Variants in STAG2 observed in about 807,000 individuals in gnomAD.
The protein encoded by STAG2 is cohesin subunit SA-2.
STAG2 carries 14 observed loss-of-function variants against 108.1 expected under a neutral mutation model. That is an observed-to-expected ratio of 0.13 (90% CI 0.09 to 0.20). The LOEUF is 0.20. STAG2 is among the 10% of genes least tolerant of loss of function. The pLI is 1.00. For missense variants in STAG2, 440 were observed against 940.9 expected (o/e 0.47, Z 6.96); for synonymous variants, 307 against 302.7 (o/e 1.01, Z -0.15).
chrX:124,009,579 A>C (rs1462163374), intron 1 of STAG2, among the ~76,000 whole-genome samples: 1 of 110,975 alleles, frequency 9.0e-6, no homozygotes, highest in African/African-American at 3.3e-5. Flanking sequence ...GTATCATCAC[A>C]TGAGGCCATT....
chrX:124,041,196 T>C (rs1337503919), intron 6 of STAG2, among the ~76,000 whole-genome samples: 1 of 106,955 alleles, frequency 9.3e-6, no homozygotes. Context: ...TCTCCTGAGT[T>C]CATCAACTTT....
chrX:123,963,956 GATA>G (rs1321329938), intron 1 of STAG2, among the ~76,000 whole-genome samples: 1 of 111,587 alleles, frequency 9.0e-6, no homozygotes, highest in African/African-American at 3.3e-5. Flanking sequence ...TCTTTTTGAA[GATA>G]ATAATGAGAG....
intron 1 of STAG2, among the ~76,000 whole-genome samples, chrX:123,983,729 TCTC>T: frequency 9.1e-6 from 1 of 110,122 alleles, no homozygotes; most frequent in East Asian, 2.8e-4. Context: ...TCCGCAGTAT[TCTC>T]CTTTTGGGGA....
At chrX:124,004,359 C>G (rs942079373) in intron 1 of STAG2, among the ~76,000 whole-genome samples, 3 of 112,008 alleles carry the variant, frequency 2.7e-5, no homozygotes, top group African/African-American at 9.7e-5. Flanking sequence ...CCCATTTTCC[C>G]TAGCCCAAGA....
intron 1 of STAG2, among the ~76,000 whole-genome samples, chrX:123,977,226 A>C (rs1002632950): frequency 1.8e-5 from 2 of 112,354 alleles, no homozygotes; most frequent in African/African-American, 6.5e-5. Flanking sequence ...ATCTTGAGTA[A>C]AGTGACATCT....
chrX:124,050,590 C>T (rs1052691191), intron 11 of STAG2, among the ~76,000 whole-genome samples: 2 of 110,432 alleles, frequency 1.8e-5, no homozygotes, highest in Admixed American at 9.6e-5. Context: ...TCTTAGGGCA[C>T]GAAGAAGAAC....
rs2055101686 is a variant in STAG2 at position 123,985,085 on chromosome X, T to C, written c.-163+23229T>C. Among the ~76,000 whole-genome samples the C allele has an allele frequency of 1.8e-5, 2 of 112,187 alleles. 1 individual carries two copies. Among genetic ancestry groups the C allele is most frequent in the Admixed American group, 1.9e-4 (2 of 10,514 alleles). On this transcript the variant is annotated intron_variant, in intron 1 of 34. Coordinates refer to ENST00000371145, the MANE Select transcript of STAG2 (RefSeq NM_001042750.2). ...GATCTGAGAGGCTTGTCAGTATTAC[T>C]GTAGAATACAAGAAATTGGAGCCAA...
intron 23 of STAG2, among the ~76,000 whole-genome samples, chrX:124,066,964 GCC>G (rs1397812932): frequency 9.0e-6 from 1 of 111,709 alleles, no homozygotes; most frequent in Non-Finnish European, 1.9e-5. Context: ...AAACAGGACT[GCC>G]TTTTCCATTT....
At position 123,997,006 on chromosome X, in the gene STAG2, C is replaced by A. The variant is rs189866492; in HGVS notation, c.-162-24361C>A. Among the ~76,000 whole-genome samples the A allele has an allele frequency of 1.3e-3, 150 of 112,361 alleles. 1 individual carries two copies. The highest frequency in any genetic ancestry group is 4.7e-3 in the African/African-American group (145 of 30,991). ...ACCATTTGTTGAAAAGACTATCTTTCTTCATTGAATTGCCTTGGCACCTTT... is the reference window on the plus strand; with the variant it reads ...ACCATTTGTTGAAAAGACTATCTTTATTCATTGAATTGCCTTGGCACCTTT... On this transcript the variant is annotated intron_variant, in intron 1 of 34. Transcript: ENST00000371145.
chrX:124,048,800 C>T (rs1336119220), intron 9 of STAG2, among the ~76,000 whole-genome samples: 1 of 111,475 alleles, frequency 9.0e-6, no homozygotes, highest in Non-Finnish European at 1.9e-5. Flanking sequence ...ATTAAAATCC[C>T]AATCAAATAT....
chrX:123,972,687 G>A (rs1602634544), intron 1 of STAG2, among the ~76,000 whole-genome samples: 2 of 108,294 alleles, frequency 1.8e-5, no homozygotes, highest in South Asian at 4.1e-4. Flanking sequence ...GTGACTACGG[G>A]AGACAAAAGG....
chrX:124,003,956 G>T (rs1321413094), intron 1 of STAG2, among the ~76,000 whole-genome samples: 1 of 111,305 alleles, frequency 9.0e-6, no homozygotes. Context: ...TGATACTCCT[G>T]ATGAAACATT....
chrX:124,021,614 C>T (rs2056929376), intron 2 of STAG2, among the ~76,000 whole-genome samples, 183 bp downstream of exon 2: 1 of 111,557 alleles, frequency 9.0e-6, no homozygotes, highest in South Asian at 3.7e-4. Flanking sequence ...ATTTGTTGTT[C>T]GTATGAAATT....
At chrX:124,053,454 AT>A (rs1027914833) in intron 13 of STAG2, among the ~76,000 whole-genome samples, 3,183 of 105,772 alleles carry the variant, frequency 0.03, 74 homozygotes, top group African/African-American at 0.083. Context: ...AGGCAAAGGA[AT>A]TTTTTTTTTT....
rs767741681 is a variant in STAG2 at position 124,047,469 on chromosome X, T to C, written c.783T>C (p.Asn261=). ...ATAAAATGATTGGAAAACGAGCCAA[T>C]GAGAGGCTAGAACTCCTGCTACAAA... The part of the protein sequence containing the change: ...ERNKMIGKRA[N]ERLELLLQKR... The change falls in exon 9 of 35, where the codon AAT becomes AAC. Residue 261 remains asparagine (N), a synonymous_variant. Transcript: ENST00000371145. 2 of 1,209,617 alleles carry C rather than the reference T, an allele frequency of 1.7e-6. No individual in the cohort carries two copies. Among genetic ancestry groups the C allele is most frequent in the Non-Finnish European group, 2.2e-6 (2 of 894,488 alleles).
chrX:124,089,141 C>T (rs1343656855), intron 30 of STAG2, among the ~76,000 whole-genome samples: 1 of 106,027 alleles, frequency 9.4e-6, no homozygotes, highest in East Asian at 3.0e-4. Context: ...GAACTCCTGA[C>T]CTCGTGATCC....
At chrX:124,070,738 C>G (rs1250913550) in intron 24 of STAG2, among the ~76,000 whole-genome samples, 1 of 111,207 alleles carries the variant, frequency 9.0e-6, no homozygotes, top group East Asian at 2.8e-4. Context: ...AAGAGTGGTA[C>G]CAAGTTTATA....
intron 6 of STAG2, 70 bp from the exon 7 acceptor site, chrX:124,042,499 G>T (rs1160508972): frequency 1.2e-5 from 9 of 738,251 alleles, no homozygotes; most frequent in Admixed American, 1.2e-4. Context: ...TAGTGTTAGA[G>T]ACTTACTTGG....
At position 124,087,658 on chromosome X, in the gene STAG2, G is replaced by A. The variant is rs181093933; in HGVS notation, c.3277+888G>A. On this transcript the variant is annotated intron_variant, in intron 30 of 34. Coordinates refer to ENST00000371145, the MANE Select transcript of STAG2 (RefSeq NM_001042750.2). ...GAAGTGGAAGGTGCCAATTTCTTAA[G>A]GCCTGGGCCCAAAAACTAGCATAGC... 3.8e-3 allele frequency among the ~76,000 whole-genome samples: 428 copies of A among 112,264 alleles called. 1 individual carries two copies. The highest frequency in any genetic ancestry group is 0.013 in the African/African-American group (398 of 30,914).
Sources: allele counts gnomAD v4.1 joint callset (sites outside exome capture counted in the v4.1 genomes callset), GRCh38; gene constraint gnomAD v4.1.1; transcripts MANE v1.5; gene names NCBI Gene and HGNC (gene_info 2026-07-23, HGNC 2026-07-21).